EPHA5: variants seen among roughly 807,000 people sequenced by gnomAD.
The protein encoded by EPHA5 is ephrin type-A receptor 5.
In EPHA5, 60 loss-of-function variants were observed where a neutral mutation model predicts 105.0. That is an observed-to-expected ratio of 0.57 (90% confidence interval 0.46 to 0.71). The LOEUF is 0.71. EPHA5 is among the 30% of genes least tolerant of loss of function. EPHA5 has a pLI of 0.00. For synonymous variants in EPHA5, 513 were observed against 449.1 expected (o/e 1.14, Z -1.80); for missense variants, 1,218 against 1,274.7 (o/e 0.96, Z 0.68).
At chr4:65,652,350 C>A (rs1325483917) in intron 1 of EPHA5, among the ~76,000 whole-genome samples, 1 of 152,120 alleles carries the variant, frequency 6.6e-6, no homozygotes, top group Non-Finnish European at 1.5e-5. Context: ...GGGCCTCAGT[C>A]CTCAGGTCTG....
chr4:65,469,787 C>A (rs1407010603), intron 5 of EPHA5, among the ~76,000 whole-genome samples: 1 of 151,982 alleles, frequency 6.6e-6, no homozygotes, highest in East Asian at 1.9e-4. Context: ...TCATTATCAG[C>A]ATAAAACAAA....
intron 7 of EPHA5, among the ~76,000 whole-genome samples, chr4:65,406,637 C>T (rs1722385310): frequency 6.6e-6 from 1 of 152,082 alleles, no homozygotes; most frequent in African/African-American, 2.4e-5. Flanking sequence ...TCTGATACTT[C>T]TTCCTTCATG....
chr4:65,411,486 A>C (rs564607019), intron 7 of EPHA5, among the ~76,000 whole-genome samples: 2 of 152,248 alleles, frequency 1.3e-5, no homozygotes, highest in Middle Eastern at 3.4e-3. Flanking sequence ...TTTAAAAAGT[A>C]TACTCAGGGA....
chr4:65,429,185 G>A (rs917564262), intron 5 of EPHA5, among the ~76,000 whole-genome samples: 7 of 151,944 alleles, frequency 4.6e-5, no homozygotes, highest in Non-Finnish European at 8.8e-5. Flanking sequence ...ATAAAATGAG[G>A]CTATATCTAG....
intron 3 of EPHA5, among the ~76,000 whole-genome samples, chr4:65,523,702 C>T (rs1203294815): frequency 1.3e-5 from 2 of 152,058 alleles, no homozygotes; most frequent in South Asian, 2.1e-4. Context: ...ATAAAAAGTA[C>T]ATTTCAAATA....
intron 1 of EPHA5, among the ~76,000 whole-genome samples, chr4:65,650,914 G>T (rs116277451): frequency 6.6e-6 from 1 of 152,034 alleles, no homozygotes; most frequent in Non-Finnish European, 1.5e-5. Flanking sequence ...TTTGACACAA[G>T]TCCTTCCAGG....
rs180971315 is a variant in EPHA5 at position 65,589,518 on chromosome 4, A to G, written c.910+12123T>C. Among the ~76,000 whole-genome samples the G allele has an allele frequency of 3.9e-5, 6 of 152,260 alleles. No individual in the cohort carries two copies. The East Asian group carries it at 1.2e-3, about 29-fold the overall frequency. On this transcript the variant is annotated intron_variant, in intron 3 of 16. Transcript: ENST00000613740. ...GGAGTCTTCACTGTTGTGACATTTC[A>G]TTTATCTGGGCAGCAACATTCTTGA...
intron 5 of EPHA5, among the ~76,000 whole-genome samples, chr4:65,463,748 T>G (rs1292112529): frequency 6.6e-6 from 1 of 152,074 alleles, no homozygotes; most frequent in Non-Finnish European, 1.5e-5. Context: ...CATGTAGTTA[T>G]TTTTTTGCAC....
chr4:65,574,667 C>CACATATATAT (rs1190818361), intron 3 of EPHA5, among the ~76,000 whole-genome samples: 1 of 87,208 alleles, frequency 1.1e-5, no homozygotes, highest in Non-Finnish European at 2.4e-5. Flanking sequence ...TATATATATA[C>CACATATATAT]ACATATATAT....
At chr4:65,573,783 C>T in intron 3 of EPHA5, 4 of 1,613,630 alleles carry the variant, frequency 2.5e-6, no homozygotes, top group Non-Finnish European at 3.4e-6. Flanking sequence ...GGTGGTTAAA[C>T]TTCGCAAAAT....
At chr4:65,585,262 A>AG (rs1455611828) in intron 3 of EPHA5, among the ~76,000 whole-genome samples, 1 of 151,888 alleles carries the variant, frequency 6.6e-6, no homozygotes, top group Non-Finnish European at 1.5e-5. Flanking sequence ...ATAAGGGAGG[A>AG]GAAAAAAAGC....
At chr4:65,455,609 C>T (rs1002017322) in intron 5 of EPHA5, among the ~76,000 whole-genome samples, 6 of 152,202 alleles carry the variant, frequency 3.9e-5, no homozygotes, top group African/African-American at 1.4e-4. Flanking sequence ...AAACAGTAAA[C>T]AATATTCTGA....
intron 3 of EPHA5, among the ~76,000 whole-genome samples, chr4:65,579,335 T>G (rs1472778667): frequency 7.2e-6 from 1 of 138,398 alleles, no homozygotes; most frequent in Non-Finnish European, 1.5e-5. Flanking sequence ...AACCTGCATG[T>G]GTAAATATAT....
intron 5 of EPHA5, among the ~76,000 whole-genome samples, chr4:65,425,265 C>T (rs567911959): frequency 1.3e-5 from 2 of 152,200 alleles, no homozygotes; most frequent in East Asian, 3.9e-4. Flanking sequence ...TTTAAAAATA[C>T]ATGTATTTTA....
intron 8 of EPHA5, among the ~76,000 whole-genome samples, chr4:65,395,478 T>C (rs1016962473): frequency 2.0e-5 from 3 of 152,206 alleles, no homozygotes; most frequent in Non-Finnish European, 4.4e-5. Context: ...TAAATTTTAA[T>C]ATTATTTTCT....
At chr4:65,364,669 C>A (rs115316027) in intron 11 of EPHA5, among the ~76,000 whole-genome samples, 1 of 151,318 alleles carries the variant, frequency 6.6e-6, no homozygotes, top group South Asian at 2.1e-4. Flanking sequence ...TGTTAAACTT[C>A]AATGCTTCAA....
chr4:65,520,412 A>G (rs1258431400), intron 3 of EPHA5, among the ~76,000 whole-genome samples: 2 of 152,302 alleles, frequency 1.3e-5, no homozygotes, highest in East Asian at 3.9e-4. Context: ...TTAGACTAAA[A>G]CCATAAAAAC....
intron 11 of EPHA5, among the ~76,000 whole-genome samples, chr4:65,363,329 A>C (rs554756411): frequency 6.6e-6 from 1 of 151,744 alleles, no homozygotes; most frequent in African/African-American, 2.4e-5. Flanking sequence ...CCATAGCATT[A>C]ATGTGGAAAC....
chr4:65,342,357 T>C (rs1041594055), intron 14 of EPHA5, among the ~76,000 whole-genome samples: 11 of 152,084 alleles, frequency 7.2e-5, no homozygotes, highest in African/African-American at 2.7e-4. Context: ...CATTTTAGAT[T>C]ACATAGCAAT....
Sources: allele counts gnomAD v4.1 joint callset (sites outside exome capture counted in the v4.1 genomes callset), GRCh38; gene constraint gnomAD v4.1.1; transcripts MANE v1.5; gene names NCBI Gene and HGNC (gene_info 2026-07-23, HGNC 2026-07-21).